Variants in RHOJ observed in about 807,000 individuals in gnomAD.
RHOJ encodes the protein ras homolog family member J.
A neutral mutation model predicts 23.4 loss-of-function variants in RHOJ; 11 were observed. That is an observed-to-expected ratio of 0.47 (90% CI 0.30 to 0.78). The LOEUF is 0.78. Among genes scored for constraint, RHOJ ranks in the 30% least tolerant of loss-of-function variants. RHOJ has a pLI of 0.08. For missense variants in RHOJ, 254 were observed against 273.4 expected (o/e 0.93, Z 0.50); for synonymous variants, 102 against 102.7 (o/e 0.99, Z 0.04).
chr14:63,287,254 A>C (rs1337556951), intron 4 of RHOJ, among the ~76,000 whole-genome samples: 1 of 152,256 alleles, frequency 6.6e-6, no homozygotes, highest in Non-Finnish European at 1.5e-5. Context: ...CTCAGGAGGC[A>C]GACAAATTCG....
At chr14:63,264,127 G>T (rs2139651186) in intron 1 of RHOJ, among the ~76,000 whole-genome samples, 1 of 152,092 alleles carries the variant, frequency 6.6e-6, no homozygotes, top group Non-Finnish European at 1.5e-5. Context: ...TACCCAGGTA[G>T]TAAGCATAGT....
chr14:63,282,318 AC>A (rs1881937106), intron 3 of RHOJ, among the ~76,000 whole-genome samples: 1 of 151,248 alleles, frequency 6.6e-6, no homozygotes, highest in African/African-American at 2.4e-5. Flanking sequence ...ACACACACAC[AC>A]ACACAATTAG....
chr14:63,220,378 T>G (rs912533533), intron 1 of RHOJ, among the ~76,000 whole-genome samples: 20 of 151,438 alleles, frequency 1.3e-4, no homozygotes, highest in Admixed American at 1.2e-3. Flanking sequence ...AAAAAAAATC[T>G]GTACAATAAA....
rs187877577 is a variant in RHOJ at position 63,270,625 on chromosome 14, A to G, written c.237+1457A>G. Among the ~76,000 whole-genome samples, 67 of 152,356 alleles carry G rather than the reference A, an allele frequency of 4.4e-4. 1 individual carries two copies. In the East Asian group the frequency reaches 0.013, roughly 28 times the overall value. ...AAGGGTACACCACTTTGGAGGCCAA[A>G]GTTGCCTGCTCTAATTCACTCACAT... On this transcript the variant is annotated intron_variant, in intron 2 of 4. Coordinates refer to ENST00000316754, the MANE Select transcript of RHOJ (RefSeq NM_020663.5).
At chr14:63,248,496 G>T (rs1014419142) in intron 1 of RHOJ, among the ~76,000 whole-genome samples, 15 of 152,280 alleles carry the variant, frequency 9.9e-5, no homozygotes, top group African/African-American at 3.1e-4. Context: ...AAGGTATCCA[G>T]AAGGGAATTC....
intron 1 of RHOJ, among the ~76,000 whole-genome samples, chr14:63,251,924 C>A (rs950485268): frequency 5.9e-5 from 9 of 151,960 alleles, no homozygotes; most frequent in African/African-American, 1.9e-4. Context: ...AGTTCAAAAC[C>A]AGCCTGGTCA....
At chr14:63,252,701 A>G (rs1237816697) in intron 1 of RHOJ, among the ~76,000 whole-genome samples, 1 of 152,088 alleles carries the variant, frequency 6.6e-6, no homozygotes, top group African/African-American at 2.4e-5. Context: ...GCCATCTCCT[A>G]ATCTTCTCCC....
Position 63,267,614 on chromosome 14 carries a change from C to G in RHOJ, c.179-1496C>G, listed in dbSNP as rs1360933661. On this transcript the variant is annotated intron_variant, in intron 1 of 4. Transcript: ENST00000316754. Reference sequence around the variant, plus strand: ...CAGATTTCAGAAACATCTGACTGGGCTCTCTTCTACCATTGTGCATGAAGA... The same window carrying G: ...CAGATTTCAGAAACATCTGACTGGGGTCTCTTCTACCATTGTGCATGAAGA... 2.0e-5 allele frequency among the ~76,000 whole-genome samples: 3 copies of G among 152,226 alleles called. No individual in the cohort carries two copies. The East Asian group carries it at 5.8e-4, about 29-fold the overall frequency.
At chr14:63,269,523 T>G (rs1895428212) in intron 2 of RHOJ, among the ~76,000 whole-genome samples, 1 of 152,080 alleles carries the variant, frequency 6.6e-6, no homozygotes, top group African/African-American at 2.4e-5. Context: ...GTTCCACACA[T>G]GTTTTTTCAG....
chr14:63,242,150 T>C (rs1894894186), intron 1 of RHOJ, among the ~76,000 whole-genome samples: 1 of 152,214 alleles, frequency 6.6e-6, no homozygotes, highest in South Asian at 2.1e-4. Flanking sequence ...AGCCTAAGTG[T>C]AGTTGTGTCT....
At chr14:63,266,143 T>C (rs1895362741) in intron 1 of RHOJ, among the ~76,000 whole-genome samples, 1 of 152,222 alleles carries the variant, frequency 6.6e-6, no homozygotes, top group African/African-American at 2.4e-5. Context: ...CAAGGCCATT[T>C]CAAAATATCT....
At chr14:63,245,220 C>G (rs1345833849) in intron 1 of RHOJ, among the ~76,000 whole-genome samples, 1 of 152,056 alleles carries the variant, frequency 6.6e-6, no homozygotes, top group Admixed American at 6.6e-5. Context: ...GCTGTTGTGT[C>G]TGAGCATTAC....
chr14:63,238,856 C>T (rs1049041468), intron 1 of RHOJ, among the ~76,000 whole-genome samples: 1 of 152,152 alleles, frequency 6.6e-6, no homozygotes, highest in African/African-American at 2.4e-5. Flanking sequence ...TGGAAGGTAA[C>T]TGTGATTTGC....
intron 4 of RHOJ, among the ~76,000 whole-genome samples, chr14:63,290,004 A>G (rs922183720): frequency 1.3e-5 from 2 of 151,826 alleles, no homozygotes; most frequent in African/African-American, 2.4e-5. Flanking sequence ...GCATTTTTGG[A>G]GGCTGAGGCG....
chr14:63,219,437 A>T (rs995111519), intron 1 of RHOJ, among the ~76,000 whole-genome samples: 1 of 152,180 alleles, frequency 6.6e-6, no homozygotes, highest in African/African-American at 2.4e-5. Flanking sequence ...CTACTAATCA[A>T]GAAAAATTGT....
chr14:63,250,745 C>T (rs1895055951), intron 1 of RHOJ, among the ~76,000 whole-genome samples: 1 of 152,110 alleles, frequency 6.6e-6, no homozygotes. Flanking sequence ...TAAAGTGAGC[C>T]TCTAGAGGCT....
chr14:63,212,651 A>C (rs1894264212), intron 1 of RHOJ, among the ~76,000 whole-genome samples: 1 of 152,240 alleles, frequency 6.6e-6, no homozygotes, highest in African/African-American at 2.4e-5. Context: ...TTGCAATAAT[A>C]GAATTCTGAT....
intron 1 of RHOJ, among the ~76,000 whole-genome samples, chr14:63,248,460 T>C (rs1328297161): frequency 6.6e-6 from 1 of 152,206 alleles, no homozygotes; most frequent in Non-Finnish European, 1.5e-5. Context: ...ATAGCTCTTT[T>C]CCATTTTAGC....
At chr14:63,280,539 AC>A (rs908906693) in intron 2 of RHOJ, among the ~76,000 whole-genome samples, 53 of 152,268 alleles carry the variant, frequency 3.5e-4, no homozygotes, top group Non-Finnish European at 5.7e-4. Context: ...TGGTCCTCTC[AC>A]CGTAAAATAT....
Sources: gnomAD v4.1 joint callset for allele counts (sites outside exome capture counted in the v4.1 genomes callset) on GRCh38, gnomAD v4.1.1 for gene constraint, MANE v1.5 for transcripts, NCBI Gene and HGNC (gene_info 2026-07-23, HGNC 2026-07-21) for gene names.